Variants in TMEM132B observed in about 807,000 individuals in gnomAD.
TMEM132B encodes the protein transmembrane protein 132B.
In TMEM132B, 18 loss-of-function variants were observed where a neutral mutation model predicts 90.8. The ratio of observed to expected loss-of-function variants is 0.20; its 90% CI spans 0.14 to 0.29. The LOEUF (loss-of-function observed/expected upper bound fraction) is 0.29. Ranked by LOEUF, TMEM132B falls within the 10% of genes least tolerant of loss-of-function variation. The pLI is 1.00. For synonymous variants in TMEM132B, 504 were observed against 523.3 expected (o/e 0.96, Z 0.50); for missense variants, 1,096 against 1,326.8 (o/e 0.83, Z 2.70).
At chr12:125,646,500 T>G (rs1886768092) in intron 6 of TMEM132B, among the ~76,000 whole-genome samples, 1 of 152,200 alleles carries the variant, frequency 6.6e-6, no homozygotes, top group African/African-American at 2.4e-5. Context: ...GATACTGCCC[T>G]GCCTGCCTGA....
chr12:125,251,607 A>G lies in TMEM132B; in HGVS notation c.67+64741A>G, dbSNP rs1365466819. The stretch of plus-strand genomic sequence containing the variant: ...TAAGAAAAATAGCATTATAAACTCA[A>G]CGAGGCAACTGATACCCAGGCTCGG... On this transcript the variant is annotated intron_variant, in intron 1 of 8. Transcript: ENST00000682704. This position sits in a 1 kb window ranked among gnomAD's most constrained non-coding sequence, Gnocchi z 4.4. 1.3e-5 allele frequency among the ~76,000 whole-genome samples: 2 copies of G among 152,168 alleles called. No individual in the cohort carries two copies. Among genetic ancestry groups the G allele is most frequent in the African/African-American group, 4.8e-5 (2 of 41,444 alleles).
chr12:125,293,386 T>C (rs1286122762), intron 1 of TMEM132B, among the ~76,000 whole-genome samples: 1 of 152,210 alleles, frequency 6.6e-6, no homozygotes, highest in African/African-American at 2.4e-5. Context: ...TGGAGTACGA[T>C]TGATCTTGTC....
Position 125,260,105 on chromosome 12 carries a change from TTGAG to T in TMEM132B, c.67+73240_67+73243del, listed in dbSNP as rs1874527455. ...AGATTGTGCAAGCCAGGTTGGAGCT[TTGAG>T]AGAGAGATCGAAGTGTATGTTGGTA... On this transcript the variant is annotated intron_variant, in intron 1 of 8. Transcript: ENST00000682704. Among the ~76,000 whole-genome samples the T allele has an allele frequency of 2.0e-5, 3 of 152,264 alleles. No individual in the cohort carries two copies. In the East Asian group the frequency reaches 5.8e-4, roughly 29 times the overall value.
intron 2 of TMEM132B, among the ~76,000 whole-genome samples, chr12:125,393,752 C>T (rs1879093967): frequency 6.6e-6 from 1 of 152,098 alleles, no homozygotes; most frequent in Non-Finnish European, 1.5e-5. Context: ...GGCCCTGGCC[C>T]AAGGAGGCGG....
chr12:125,523,994 G>A (rs1883380112), intron 4 of TMEM132B, among the ~76,000 whole-genome samples: 1 of 152,228 alleles, frequency 6.6e-6, no homozygotes. Context: ...CAGGACAGGG[G>A]CTGGGTGGGC....
chr12:125,448,839 T>C (rs887975790), intron 3 of TMEM132B, among the ~76,000 whole-genome samples: 1 of 152,336 alleles, frequency 6.6e-6, no homozygotes. Flanking sequence ...CATTTGATAT[T>C]GTCAGTCTTC....
intron 4 of TMEM132B, among the ~76,000 whole-genome samples, chr12:125,574,325 C>A (rs557700452): frequency 3.3e-4 from 50 of 152,230 alleles, no homozygotes; most frequent in African/African-American, 1.1e-3. Context: ...TATTATTATT[C>A]TTTTCTCTCA....
chr12:125,645,862 G>C (rs1052730586), intron 6 of TMEM132B, among the ~76,000 whole-genome samples: 1 of 152,154 alleles, frequency 6.6e-6, no homozygotes. Flanking sequence ...GAATGTAGCC[G>C]TAACTCATAC....
intron 4 of TMEM132B, among the ~76,000 whole-genome samples, chr12:125,538,156 C>T (rs148093032): frequency 6.6e-6 from 1 of 152,188 alleles, no homozygotes; most frequent in Non-Finnish European, 1.5e-5. Context: ...AGGTCACACT[C>T]TCAGGGAAAC....
intron 1 of TMEM132B, among the ~76,000 whole-genome samples, chr12:125,308,708 C>T (rs987493831): frequency 6.6e-6 from 1 of 151,706 alleles, no homozygotes; most frequent in Non-Finnish European, 1.5e-5. Context: ...GTATTCCACA[C>T]CTAGAAATGT....
At chr12:125,574,166 G>T (rs1374087863) in intron 4 of TMEM132B, among the ~76,000 whole-genome samples, 12 of 145,932 alleles carry the variant, frequency 8.2e-5, no homozygotes, top group Non-Finnish European at 9.1e-5. Flanking sequence ...TGAGCAGTCA[G>T]TTTTTTTTTT....
At chr12:125,302,528 A>G (rs1875857732) in intron 1 of TMEM132B, among the ~76,000 whole-genome samples, 1 of 152,190 alleles carries the variant, frequency 6.6e-6, no homozygotes, top group Non-Finnish European at 1.5e-5. Flanking sequence ...AGGGATAGCC[A>G]GTACAGACAC....
chr12:125,467,171 G>A lies in TMEM132B; in HGVS notation c.1106+51494G>A, dbSNP rs1025425251. Among the ~76,000 whole-genome samples, 19 of 152,234 alleles carry A rather than the reference G, an allele frequency of 1.2e-4. No homozygotes were observed. The South Asian group carries it at 2.3e-3, about 18-fold the overall frequency. ...TTTATGGATTCAAATAGTCCTGGCA[G>A]CCATCCTGCCTCCATGTAGAACCTC... On this transcript the variant is annotated intron_variant, in intron 3 of 8. Coordinates refer to ENST00000682704, the MANE Select transcript of TMEM132B (RefSeq NM_001366854.1).
intron 1 of TMEM132B, among the ~76,000 whole-genome samples, chr12:125,285,023 T>TA (rs1227944534): frequency 6.6e-6 from 1 of 152,210 alleles, no homozygotes; most frequent in Non-Finnish European, 1.5e-5. Flanking sequence ...TATTGTAAGA[T>TA]ACCCCACACC....
At chr12:125,429,633 A>G (rs1298517164) in intron 3 of TMEM132B, among the ~76,000 whole-genome samples, 1 of 152,130 alleles carries the variant, frequency 6.6e-6, no homozygotes, top group Non-Finnish European at 1.5e-5. Flanking sequence ...GGTCTTGAGG[A>G]ACACTGGTCA....
At chr12:125,620,749 A>C (rs141855442) in intron 5 of TMEM132B, among the ~76,000 whole-genome samples, 24 of 152,362 alleles carry the variant, frequency 1.6e-4, no homozygotes, top group Non-Finnish European at 1.9e-4. Context: ...CCTTCTTCAC[A>C]TGGTGGCAGG....
At position 125,401,134 on chromosome 12, in the gene TMEM132B, C is replaced by G. The variant is rs532153289; in HGVS notation, c.960-14397C>G. ...TGCCCTTGGAATTTTTTGGTGATGT[C>G]TCTTACTGGGCATCTTCAGCCCTTG... On this transcript the variant is annotated intron_variant, in intron 2 of 8. Transcript: ENST00000682704. Among the ~76,000 whole-genome samples the G allele has an allele frequency of 5.8e-4, 89 of 152,294 alleles. 2 individuals are homozygous for G. In the South Asian group the frequency reaches 0.018, roughly 30 times the overall value.
intron 1 of TMEM132B, among the ~76,000 whole-genome samples, chr12:125,275,208 T>C (rs574177050): frequency 4.4e-4 from 67 of 152,338 alleles, no homozygotes; most frequent in African/African-American, 1.6e-3. Context: ...TCACTCCAGA[T>C]TCTGAATTCC....
At chr12:125,237,162 A>G (rs865972353) in intron 1 of TMEM132B, among the ~76,000 whole-genome samples, 10 of 152,310 alleles carry the variant, frequency 6.6e-5, no homozygotes, top group Middle Eastern at 6.8e-3. Context: ...TAATATGGCC[A>G]GAGAGAGAGC....
Sources: allele counts gnomAD v4.1 joint callset (sites outside exome capture counted in the v4.1 genomes callset), GRCh38; gene constraint gnomAD v4.1.1; non-coding constraint Gnocchi (gnomAD v3.1); transcripts MANE v1.5; gene names NCBI Gene and HGNC (gene_info 2026-07-23, HGNC 2026-07-21).